Variants in CORO2B observed in about 807,000 individuals in gnomAD.
The protein encoded by CORO2B is coronin-2B.
In CORO2B, 26 loss-of-function variants were observed where a neutral mutation model predicts 58.8. That is an observed-to-expected ratio of 0.44 (90% CI 0.32 to 0.61). The LOEUF (loss-of-function observed/expected upper bound fraction) is 0.61, where lower values mean the gene tolerates loss of function less well. Among genes scored for constraint, CORO2B ranks in the 20% least tolerant of loss-of-function variants. The probability of loss-of-function intolerance (pLI) is 0.04; values close to 1 mark genes in which losing one functional copy is unlikely to be tolerated. For missense variants in CORO2B, 460 were observed against 645.1 expected (o/e 0.71, Z 3.11); for synonymous variants, 242 against 253.8 (o/e 0.95, Z 0.44).
chr15:68,646,571 A>T (rs2140273998), intron 2 of CORO2B, among the ~76,000 whole-genome samples: 1 of 152,334 alleles, frequency 6.6e-6, no homozygotes, highest in East Asian at 1.9e-4. Flanking sequence ...AGCCTGATGC[A>T]CAGAGAGGTC....
intron 1 of CORO2B, among the ~76,000 whole-genome samples, chr15:68,606,990 T>C (rs1381921753): frequency 5.9e-5 from 9 of 152,180 alleles, no homozygotes; most frequent in African/African-American, 2.2e-4. Context: ...TGGAGGGCAC[T>C]ACAAGAAGGA....
intron 1 of CORO2B, among the ~76,000 whole-genome samples, chr15:68,635,564 G>A (rs1430301626): frequency 1.3e-5 from 2 of 152,164 alleles, no homozygotes; most frequent in Non-Finnish European, 2.9e-5. Context: ...CCAGAGACAA[G>A]TCACTCCTCC....
intron 1 of CORO2B, among the ~76,000 whole-genome samples, chr15:68,582,834 A>G (rs906209125): frequency 6.6e-6 from 1 of 151,990 alleles, no homozygotes; most frequent in African/African-American, 2.4e-5. Context: ...AGGCTCCCCT[A>G]TTTTGAGGTG....
Position 68,726,443 on chromosome 15 carries a change from C to A in CORO2B, c.*469C>A, listed in dbSNP as rs1293324804. On this transcript the variant is annotated 3_prime_UTR_variant, in exon 12 of 12. Transcript: ENST00000261861. ...TGCTGGACTGCAGGCTGCAGTGATC[C>A]CTCTTTCGTCCCACCCCCTCTTCCC... 2.3e-5 allele frequency: 4 copies of A among 177,502 alleles called. No individual in the cohort carries two copies. Among genetic ancestry groups the A allele is most frequent in the African/African-American group, 9.6e-5 (4 of 41,536 alleles). 11.0% of individuals were successfully genotyped at this position (177,502 alleles called of 1,614,324 possible). A position where few individuals can be genotyped will look rare whatever the true frequency, so the allele number is the denominator to read the frequency against.
At chr15:68,550,661 G>A in the CORO2B span, among the ~76,000 whole-genome samples, 4 of 152,308 alleles carry the variant, frequency 2.6e-5, no homozygotes, top group African/African-American at 7.2e-5. Flanking sequence ...AGGGACAGGC[G>A]TCCTACCCAG....
At chr15:68,707,701 G>A (rs1232368133) in intron 3 of CORO2B, among the ~76,000 whole-genome samples, 1 of 152,212 alleles carries the variant, frequency 6.6e-6, no homozygotes, top group Non-Finnish European at 1.5e-5. Flanking sequence ...GTCTGTGTCT[G>A]CGATAGGTGG....
chr15:68,534,462 A>G, the CORO2B span, among the ~76,000 whole-genome samples: 1 of 152,246 alleles, frequency 6.6e-6, no homozygotes, highest in African/African-American at 2.4e-5. Context: ...CAGGTACACA[A>G]GAGAAGCTCA....
the CORO2B span, among the ~76,000 whole-genome samples, chr15:68,525,942 C>T: frequency 6.6e-6 from 1 of 152,170 alleles, no homozygotes; most frequent in African/African-American, 2.4e-5. Flanking sequence ...CTTAAGGCAA[C>T]CACTGATCAG....
At chr15:68,521,017 C>T in the CORO2B span, among the ~76,000 whole-genome samples, 1 of 151,806 alleles carries the variant, frequency 6.6e-6, no homozygotes, top group Non-Finnish European at 1.5e-5. Flanking sequence ...CCACTGCACT[C>T]TAGCCTGGGT....
the CORO2B span, among the ~76,000 whole-genome samples, chr15:68,569,334 G>C: frequency 1.1e-4 from 17 of 152,154 alleles, no homozygotes; most frequent in East Asian, 2.7e-3. Flanking sequence ...TGATCTTTTC[G>C]CTGTCTCCAT....
At chr15:68,602,305 A>T (rs1265852345) in intron 1 of CORO2B, among the ~76,000 whole-genome samples, 2 of 151,614 alleles carry the variant, frequency 1.3e-5, no homozygotes, top group Non-Finnish European at 2.9e-5. Flanking sequence ...AGTAGAAATA[A>T]TTTTTTTTAA....
chr15:68,688,585 A>G (rs1045676515), intron 2 of CORO2B, among the ~76,000 whole-genome samples: 1 of 152,234 alleles, frequency 6.6e-6, no homozygotes, highest in Non-Finnish European at 1.5e-5. Flanking sequence ...CTCAAACTGT[A>G]TAGAACTTGA....
Position 68,718,802 on chromosome 15 carries a change from C to T in CORO2B, c.1072C>T (p.Pro358Ser). ...GATCGAGCCCATCTCCATGATCGTG[C>T]CCCGGAGGGTAAGTGGGGCTGGGCT... ...GLIEPISMIVPRRSDSYQEDI... is the reference protein window; with the variant it reads ...GLIEPISMIVSRRSDSYQEDI... The change falls in exon 9 of 12, where the codon CCC becomes TCC. Residue 358 changes from proline (P) to serine (S), a missense_variant. Physicochemically the swap from Pro to Ser is moderately conservative, Grantham distance 74. Transcript: ENST00000261861. 1 of 1,613,702 alleles carries T rather than the reference C, an allele frequency of 6.2e-7. No homozygotes were observed. The highest frequency in any genetic ancestry group is 8.5e-7 in the Non-Finnish European group (1 of 1,179,668).
the CORO2B span, among the ~76,000 whole-genome samples, chr15:68,518,450 T>G: frequency 6.6e-6 from 1 of 152,176 alleles, no homozygotes; most frequent in East Asian, 1.9e-4. Flanking sequence ...CCTTCTGTCT[T>G]GCCCACTCCC....
the CORO2B span, among the ~76,000 whole-genome samples, chr15:68,561,393 C>A: frequency 2.6e-5 from 4 of 152,268 alleles, no homozygotes; most frequent in Non-Finnish European, 5.9e-5. Context: ...CCGACTCTCC[C>A]CTGCCCTCAC....
intron 1 of CORO2B, among the ~76,000 whole-genome samples, chr15:68,597,442 C>A (rs1899861542): frequency 6.6e-6 from 1 of 152,100 alleles, no homozygotes; most frequent in African/African-American, 2.4e-5. Flanking sequence ...TATGCCCATT[C>A]TGTGAAACTG....
intron 2 of CORO2B, among the ~76,000 whole-genome samples, chr15:68,671,940 G>T (rs1902408844): frequency 6.6e-6 from 1 of 152,166 alleles, no homozygotes. Context: ...TGCTTAACAG[G>T]GAAAGGTGTG....
intron 2 of CORO2B, among the ~76,000 whole-genome samples, chr15:68,681,811 G>A (rs1252063201): frequency 3.9e-5 from 6 of 152,174 alleles, no homozygotes; most frequent in African/African-American, 7.2e-5. Flanking sequence ...TCTGAAAAGC[G>A]GAGACATTGT....
the CORO2B span, among the ~76,000 whole-genome samples, chr15:68,570,517 G>A: frequency 2.6e-5 from 4 of 152,218 alleles, no homozygotes; most frequent in African/African-American, 9.7e-5. Context: ...CTCTTACACT[G>A]AGGCAATATC....
Sources: gnomAD v4.1 joint callset for allele counts (sites outside exome capture counted in the v4.1 genomes callset) on GRCh38, gnomAD v4.1.1 for gene constraint, MANE v1.5 for transcripts, NCBI Gene and HGNC (gene_info 2026-07-23, HGNC 2026-07-21) for gene names.